RANBP2: variants seen among roughly 807,000 people sequenced by gnomAD.
RANBP2 encodes the protein E3 SUMO-protein ligase RanBP2.
Under a neutral mutation model 303.6 loss-of-function variants are expected in RANBP2, and 57 were observed. The ratio of observed to expected loss-of-function variants is 0.19; its 90% CI spans 0.15 to 0.23. RANBP2 has a LOEUF of 0.23. Ranked by LOEUF, RANBP2 falls within the 10% of genes least tolerant of loss-of-function variation. RANBP2 has a pLI of 1.00. For synonymous variants in RANBP2, 1,167 were observed against 1,301.5 expected (o/e 0.90, Z 2.23); for missense variants, 3,138 against 3,780.8 (o/e 0.83, Z 4.46).
the RANBP2 span, among the ~76,000 whole-genome samples, chr2:109,133,042 T>C: frequency 6.6e-6 from 1 of 152,218 alleles, no homozygotes; most frequent in African/African-American, 2.4e-5. Context: ...GGCACTATTA[T>C]AGGTAAACAA....
At chr2:108,732,383 A>G (rs1025352087) in intron 4 of RANBP2, among the ~76,000 whole-genome samples, 8 of 152,174 alleles carry the variant, frequency 5.3e-5, no homozygotes, top group African/African-American at 1.9e-4. Context: ...CTCAAAGGAA[A>G]TGCTCATTGG....
chr2:109,064,483 T>TAAAAA, the RANBP2 span, among the ~76,000 whole-genome samples: 2 of 115,338 alleles, frequency 1.7e-5, no homozygotes, highest in Non-Finnish European at 3.8e-5. Flanking sequence ...AAAAACAAAC[T>TAAAAA]GGTAAATGGC....
the RANBP2 span, among the ~76,000 whole-genome samples, chr2:108,812,253 T>G: frequency 6.6e-6 from 1 of 152,160 alleles, no homozygotes; most frequent in African/African-American, 2.4e-5. Flanking sequence ...CATATACACA[T>G]AGTCCCAGTA....
chr2:109,614,297 C>T, the RANBP2 span: 3 of 484,788 alleles, frequency 6.2e-6, no homozygotes, highest in Admixed American at 4.9e-5. Context: ...GGGCGCGGGG[C>T]GGGGGTGCGG....
At chr2:109,680,484 G>A in the RANBP2 span, among the ~76,000 whole-genome samples, 1 of 152,294 alleles carries the variant, frequency 6.6e-6, no homozygotes, top group South Asian at 2.1e-4. Context: ...CTCAGGAAAG[G>A]TTATGTAACA....
Position 108,753,906 on chromosome 2 carries a change from A to C in RANBP2, c.2137A>C (p.Lys713Gln), listed in dbSNP as rs1676102291. 1 of 1,612,046 alleles carries C rather than the reference A, an allele frequency of 6.2e-7. No individual in the cohort carries two copies. Among genetic ancestry groups the C allele is most frequent in the African/African-American group, 1.3e-5 (1 of 74,998 alleles). ...AGAAGAATGCAAAAATTATCTGAGA[A>C]AGACCAGGGACTACCTAATAAAGAT... ...EQEECKNYLR[K>Q]TRDYLIKIID... Residue 713 changes from lysine (K) to glutamine (Q), a missense_variant, in exon 15 of 29, where the codon AAG becomes CAG. Lys to Gln is a moderately conservative substitution (Grantham distance 53). Transcript: ENST00000283195.
the RANBP2 span, among the ~76,000 whole-genome samples, chr2:109,386,196 A>T: frequency 1.3e-5 from 2 of 152,308 alleles, no homozygotes. Flanking sequence ...AGAGCTGGGG[A>T]GGGAAGGAGG....
chr2:109,733,981 C>T, the RANBP2 span, among the ~76,000 whole-genome samples: 1 of 151,848 alleles, frequency 6.6e-6, no homozygotes, highest in Non-Finnish European at 1.5e-5. Flanking sequence ...GAGTTCAAGA[C>T]CAGCCTGGCC....
At chr2:109,515,249 C>T in the RANBP2 span, among the ~76,000 whole-genome samples, 1 of 152,106 alleles carries the variant, frequency 6.6e-6, no homozygotes, top group Admixed American at 6.5e-5. Context: ...GAGCTTGGCA[C>T]ACCCCTTGAC....
At chr2:109,202,012 G>A in the RANBP2 span, among the ~76,000 whole-genome samples, 1 of 152,358 alleles carries the variant, frequency 6.6e-6, no homozygotes, top group African/African-American at 2.4e-5. Flanking sequence ...CACAGGCACA[G>A]AACCTAGGCC....
the RANBP2 span, among the ~76,000 whole-genome samples, chr2:109,724,202 G>A: frequency 3.9e-5 from 6 of 152,218 alleles, no homozygotes; most frequent in Non-Finnish European, 8.8e-5. Flanking sequence ...CAGGTAGCAT[G>A]ATGCCTCCAG....
At chr2:109,717,406 A>T in the RANBP2 span, among the ~76,000 whole-genome samples, 1 of 151,988 alleles carries the variant, frequency 6.6e-6, no homozygotes. Flanking sequence ...ACATTGTGAA[A>T]TCCCGTCTCA....
chr2:108,974,268 TG>T, the RANBP2 span, among the ~76,000 whole-genome samples: 2 of 138,138 alleles, frequency 1.4e-5, no homozygotes, highest in East Asian at 4.3e-4. Context: ...AGGCGGAGCT[TG>T]CAGTGAGCTG....
chr2:109,660,468 T>C, the RANBP2 span, among the ~76,000 whole-genome samples: 3 of 152,234 alleles, frequency 2.0e-5, no homozygotes, highest in Non-Finnish European at 2.9e-5. Context: ...TTTCATTGCA[T>C]TGTGTGTTTT....
the RANBP2 span, among the ~76,000 whole-genome samples, chr2:108,941,406 T>G: frequency 1.3e-5 from 2 of 152,196 alleles, no homozygotes; most frequent in Admixed American, 1.3e-4. Flanking sequence ...AGAGTCCTGG[T>G]AGCTCACAGC....
chr2:108,941,557 G>A, the RANBP2 span, among the ~76,000 whole-genome samples: 8 of 152,140 alleles, frequency 5.3e-5, no homozygotes, highest in African/African-American at 1.9e-4. Context: ...CAGCTCTGAG[G>A]GTCCTCTGCA....
chr2:109,109,322 C>T, the RANBP2 span, among the ~76,000 whole-genome samples: 1 of 152,248 alleles, frequency 6.6e-6, no homozygotes, highest in African/African-American at 2.4e-5. Flanking sequence ...TGATTCGGGC[C>T]TTTGTCACTT....
the RANBP2 span, among the ~76,000 whole-genome samples, chr2:109,056,000 C>T: frequency 2.0e-5 from 3 of 152,032 alleles, no homozygotes; most frequent in Non-Finnish European, 4.4e-5. Flanking sequence ...TCTCGTGATC[C>T]ACCCGCCTCA....
the RANBP2 span, among the ~76,000 whole-genome samples, chr2:109,388,857 C>T: frequency 5.3e-5 from 8 of 151,882 alleles, no homozygotes; most frequent in Admixed American, 2.0e-4. Flanking sequence ...GGTATAGAGA[C>T]GGGAGGGAAG....
Sources: allele counts gnomAD v4.1 joint callset (sites outside exome capture counted in the v4.1 genomes callset), GRCh38; gene constraint gnomAD v4.1.1; transcripts MANE v1.5; gene names NCBI Gene and HGNC (gene_info 2026-07-23, HGNC 2026-07-21).